The following SPOCK3 variants were observed in gnomAD, a reference collection of about 807,000 sequenced individuals.
SPOCK3 encodes the protein testican-3.
A neutral mutation model predicts 56.6 loss-of-function variants in SPOCK3; 30 were observed. The observed-to-expected ratio is 0.53, with a 90% CI of 0.40 to 0.72. The LOEUF is 0.72. Ranked by LOEUF, SPOCK3 falls within the 30% of genes least tolerant of loss-of-function variation. The pLI, the probability that SPOCK3 is intolerant of heterozygous loss-of-function variation, is 0.00. For missense variants in SPOCK3, 527 were observed against 530.0 expected, an observed-to-expected ratio of 0.99 and a Z score of 0.06; for synonymous variants, 196 against 183.3, an observed-to-expected ratio of 1.07 and a Z score of -0.56.
intron 4 of SPOCK3, among the ~76,000 whole-genome samples, chr4:166,985,335 C>G (rs1747034088): frequency 6.6e-6 from 1 of 152,068 alleles, no homozygotes; most frequent in African/African-American, 2.4e-5. Flanking sequence ...AGTGAAGAGG[C>G]AACAATTCAA....
At chr4:166,855,283 CA>C (rs936546676) in intron 6 of SPOCK3, among the ~76,000 whole-genome samples, 1 of 151,850 alleles carries the variant, frequency 6.6e-6, no homozygotes, top group Non-Finnish European at 1.5e-5. Flanking sequence ...TTAAAACATA[CA>C]GACAAAAAAT....
chr4:167,135,185 G>C (rs1041017214), intron 2 of SPOCK3, among the ~76,000 whole-genome samples: 2 of 151,308 alleles, frequency 1.3e-5, no homozygotes, highest in Non-Finnish European at 2.9e-5. Context: ...ATTATGTCTA[G>C]ATGAAAAGTG....
chr4:167,021,936 CAAT>C (rs1751226345), intron 3 of SPOCK3, among the ~76,000 whole-genome samples: 1 of 151,944 alleles, frequency 6.6e-6, no homozygotes, highest in South Asian at 2.1e-4. Flanking sequence ...TATATAATAA[CAAT>C]AATAATTGCA....
intron 2 of SPOCK3, among the ~76,000 whole-genome samples, chr4:167,122,585 C>T (rs1761958461): frequency 6.6e-6 from 1 of 152,148 alleles, no homozygotes; most frequent in Admixed American, 6.5e-5. Context: ...AACATTGTCA[C>T]ATTGTACTTG....
At chr4:167,058,322 G>A (rs1259077188) in intron 3 of SPOCK3, among the ~76,000 whole-genome samples, 1 of 152,098 alleles carries the variant, frequency 6.6e-6, no homozygotes, top group East Asian at 1.9e-4. Flanking sequence ...CAAAATCAAT[G>A]TACAAAAATC....
chr4:167,087,320 C>T (rs1262497042), intron 2 of SPOCK3, among the ~76,000 whole-genome samples: 4 of 152,058 alleles, frequency 2.6e-5, no homozygotes, highest in Non-Finnish European at 5.9e-5. Context: ...GCAGAGAATC[C>T]TCAGTTTCTG....
At position 167,104,832 on chromosome 4, in the gene SPOCK3, A is replaced by G. The variant is rs116558601; in HGVS notation, c.190-42295T>C. ...GTTAAGGATAAACGATCCCAAAAGC[A>G]GCAAGCAAAAAGAAAAAAAAAAAAA... is the stretch of plus-strand genomic sequence containing the variant. On this transcript the variant is annotated intron_variant, in intron 2 of 10. Transcript: ENST00000357545. 6.1e-3 allele frequency among the ~76,000 whole-genome samples: 931 copies of G among 151,756 alleles called. 4 individuals are homozygous for G. Among genetic ancestry groups the G allele is most frequent in the African/African-American group, 0.021 (871 of 41,430 alleles).
intron 6 of SPOCK3, among the ~76,000 whole-genome samples, chr4:166,803,522 T>C (rs1440440931): frequency 6.6e-6 from 1 of 152,168 alleles, no homozygotes; most frequent in Non-Finnish European, 1.5e-5. Flanking sequence ...GAAAAAGTGG[T>C]ATTCCGGGCA....
rs113780456 is a variant in SPOCK3 at position 166,862,497 on chromosome 4, A to G, written c.589+26633T>C. Reference sequence around the variant, plus strand: ...TGGTTAAGAGTTAGTATTGCTACTAACTTTTTTATCTTACATTACAAAATA... The same window carrying G: ...TGGTTAAGAGTTAGTATTGCTACTAGCTTTTTTATCTTACATTACAAAATA... On this transcript the variant is annotated intron_variant, in intron 6 of 10. Coordinates refer to ENST00000357545, the MANE Select transcript of SPOCK3 (RefSeq NM_001040159.2). Among the ~76,000 whole-genome samples the G allele has an allele frequency of 2.3e-3, 355 of 152,188 alleles. 1 individual carries two copies. Among genetic ancestry groups the G allele is most frequent in the Non-Finnish European group, 3.8e-3 (257 of 67,980 alleles).
At chr4:166,767,964 G>A (rs987207989) in intron 7 of SPOCK3, among the ~76,000 whole-genome samples, 1 of 151,432 alleles carries the variant, frequency 6.6e-6, no homozygotes. Context: ...TTTGTCTTTT[G>A]ATCTTTGTTG....
At chr4:167,083,089 C>A in intron 2 of SPOCK3, 1 of 717,908 alleles carries the variant, frequency 1.4e-6, no homozygotes, top group Non-Finnish European at 2.5e-6. Context: ...TACCAAAGAG[C>A]CCCCCTCACA....
At chr4:166,834,951 T>C (rs940929569) in intron 6 of SPOCK3, among the ~76,000 whole-genome samples, 1 of 152,118 alleles carries the variant, frequency 6.6e-6, no homozygotes. Context: ...CCCAACACTT[T>C]CCTAGGTAAA....
chr4:167,088,998 G>C (rs1258651616), intron 2 of SPOCK3, among the ~76,000 whole-genome samples: 6 of 151,916 alleles, frequency 3.9e-5, no homozygotes, highest in Admixed American at 3.9e-4. Context: ...AAGCTTATTT[G>C]TTATGTTCAA....
intron 6 of SPOCK3, among the ~76,000 whole-genome samples, chr4:166,821,945 G>C (rs1313660867): frequency 6.6e-6 from 1 of 151,890 alleles, no homozygotes; most frequent in Non-Finnish European, 1.5e-5. Context: ...TTATAGGATA[G>C]ATCAATTAAC....
chr4:166,993,336 G>A (rs1579931359), intron 4 of SPOCK3, among the ~76,000 whole-genome samples: 1 of 152,096 alleles, frequency 6.6e-6, no homozygotes, highest in Non-Finnish European at 1.5e-5. Context: ...AATCCTTCTC[G>A]TGTATTTTGG....
At chr4:167,080,576 C>G (rs967322828) in intron 2 of SPOCK3, among the ~76,000 whole-genome samples, 1 of 151,856 alleles carries the variant, frequency 6.6e-6, no homozygotes, top group Non-Finnish European at 1.5e-5. Context: ...GACGTCTAAA[C>G]AGAGTGTTTA....
At chr4:167,087,530 T>C (rs1758311440) in intron 2 of SPOCK3, among the ~76,000 whole-genome samples, 1 of 152,168 alleles carries the variant, frequency 6.6e-6, no homozygotes, top group Non-Finnish European at 1.5e-5. Context: ...CCAGAACATA[T>C]CTGTTCCTTT....
intron 7 of SPOCK3, among the ~76,000 whole-genome samples, chr4:166,784,763 A>G (rs1740559777): frequency 6.6e-6 from 1 of 152,066 alleles, no homozygotes; most frequent in South Asian, 2.1e-4. Context: ...ATTTACCCTG[A>G]AGGTTTACAT....
At chr4:167,214,431 TATG>T (rs778844812) in intron 2 of SPOCK3, among the ~76,000 whole-genome samples, 16 of 152,218 alleles carry the variant, frequency 1.1e-4, no homozygotes, top group African/African-American at 3.6e-4. Context: ...AGCGAGAAAT[TATG>T]ATTTCAATTT....
Sources: gnomAD v4.1 joint callset for allele counts (sites outside exome capture counted in the v4.1 genomes callset) on GRCh38, gnomAD v4.1.1 for gene constraint, MANE v1.5 for transcripts, NCBI Gene and HGNC (gene_info 2026-07-23, HGNC 2026-07-21) for gene names.